N4BP2L2: variants seen among roughly 807,000 people sequenced by gnomAD.
N4BP2L2 encodes NEDD4 binding protein 2 like 2.
Under a neutral mutation model 56.2 loss-of-function variants are expected in N4BP2L2, and 50 were observed. That is an observed-to-expected ratio of 0.89 (90% confidence interval 0.71 to 1.13). The LOEUF is 1.13. N4BP2L2 is among the 50% of genes most tolerant of loss of function. The pLI is 0.00. For missense variants in N4BP2L2, 689 were observed against 693.8 expected (o/e 0.99, Z 0.08); for synonymous variants, 203 against 223.6 (o/e 0.91, Z 0.82).
At chr13:32,462,146 G>A (rs1312800223) in intron 6 of N4BP2L2, among the ~76,000 whole-genome samples, 1 of 152,146 alleles carries the variant, frequency 6.6e-6, no homozygotes, top group Admixed American at 6.5e-5. Flanking sequence ...GCACCCCCAT[G>A]TTTATTGCAG....
At chr13:32,466,721 G>C (rs2081307143) in intron 6 of N4BP2L2, among the ~76,000 whole-genome samples, 2 of 152,054 alleles carry the variant, frequency 1.3e-5, no homozygotes, top group African/African-American at 4.8e-5. Flanking sequence ...AAAAGGAAGG[G>C]CCTGTGACTA....
chr13:32,532,301 G>A (rs1475389677), intron 2 of N4BP2L2, among the ~76,000 whole-genome samples: 7 of 151,938 alleles, frequency 4.6e-5, no homozygotes, highest in African/African-American at 1.7e-4. Flanking sequence ...TTTATTAGGG[G>A]GTAAGAAAGA....
At chr13:32,454,914 CCA>C (rs2078705503) in intron 6 of N4BP2L2, among the ~76,000 whole-genome samples, 1 of 152,150 alleles carries the variant, frequency 6.6e-6, no homozygotes, top group Non-Finnish European at 1.5e-5. Context: ...AGGTGGGAGC[CCA>C]GAGAAGCTTC....
chr13:32,447,009 T>C (rs1463337870), intron 6 of N4BP2L2, among the ~76,000 whole-genome samples: 1 of 152,228 alleles, frequency 6.6e-6, no homozygotes, highest in Non-Finnish European at 1.5e-5. Context: ...TTAACCATTA[T>C]GCAACACTGC....
chr13:32,522,541 G>A, intron 3 of N4BP2L2: 2 of 236,472 alleles, frequency 8.5e-6, no homozygotes, highest in Non-Finnish European at 1.6e-5. Context: ...GCTAATAAAG[G>A]CTTCAAGTCT....
chr13:32,446,452 C>A (rs1311275740), intron 6 of N4BP2L2: 4 of 1,345,694 alleles, frequency 3.0e-6, no homozygotes, highest in Non-Finnish European at 4.0e-6. Context: ...AAAACAAACT[C>A]CCCTGTCTTT....
chr13:32,535,947 C>G (rs770909535), exon 2 of N4BP2L2: 2 of 1,613,960 alleles, frequency 1.2e-6, no homozygotes, highest in East Asian at 4.5e-5. Flanking sequence ...CCATTACTCA[C>G]ATATCGATCT....
exon 2 of N4BP2L2, chr13:32,536,769 G>A: frequency 6.2e-7 from 1 of 1,614,090 alleles, no homozygotes; most frequent in Non-Finnish European, 8.5e-7. Context: ...CTATTACCAG[G>A]CATCTCATCA....
intron 6 of N4BP2L2, among the ~76,000 whole-genome samples, chr13:32,499,050 A>T (rs2139511322): frequency 6.6e-6 from 1 of 152,148 alleles, no homozygotes; most frequent in South Asian, 2.1e-4. Flanking sequence ...ATGAATAAAT[A>T]CATTACCGTT....
chr13:32,474,579 A>G (rs2139002664), intron 6 of N4BP2L2, among the ~76,000 whole-genome samples: 1 of 151,640 alleles, frequency 6.6e-6, no homozygotes, highest in East Asian at 1.9e-4. Context: ...TTGTAATCTC[A>G]GGTACTCGGA....
chr13:32,523,828 G>T (rs1242442330), intron 3 of N4BP2L2: 3 of 152,196 alleles, frequency 2.0e-5, no homozygotes, highest in Admixed American at 1.3e-4. Context: ...TGGGAAGGGA[G>T]TGAGGGATAA....
chr13:32,499,435 T>G lies in N4BP2L2; in HGVS notation c.365+18422A>C, dbSNP rs114107089. On this transcript the variant is annotated intron_variant, in intron 6 of 9. Coordinates refer to the N4BP2L2 transcript ENST00000357505. The stretch of plus-strand genomic sequence containing the variant: ...GTTGTCCCAAGGGTCAAGATACATC[T>G]TAAAAACTTAAGGGAAAAAAAAAGC... Among the ~76,000 whole-genome samples, 1,081 of 152,242 alleles carry G rather than the reference T, an allele frequency of 7.1e-3. 13 individuals carry two copies. The highest frequency in any genetic ancestry group is 0.025 in the African/African-American group (1,043 of 41,540).
chr13:32,468,391 C>A (rs1003549591), intron 6 of N4BP2L2, among the ~76,000 whole-genome samples: 2 of 152,114 alleles, frequency 1.3e-5, no homozygotes, highest in Admixed American at 6.5e-5. Context: ...TATTTGAGTG[C>A]TACTGTGTCC....
chr13:32,452,941 C>A (rs2078337871), intron 6 of N4BP2L2, among the ~76,000 whole-genome samples: 2 of 152,006 alleles, frequency 1.3e-5, no homozygotes, highest in Non-Finnish European at 2.9e-5. Context: ...TGAAAAGATA[C>A]AAGGACTGTA....
At chr13:32,487,252 T>C (rs149462809) in intron 6 of N4BP2L2, among the ~76,000 whole-genome samples, 8 of 151,898 alleles carry the variant, frequency 5.3e-5, no homozygotes, top group African/African-American at 1.4e-4. Flanking sequence ...GGCAAGAGGA[T>C]TGCTTGAGCC....
exon 9 of N4BP2L2, chr13:32,436,363 T>C (rs751401132): frequency 1.6e-6 from 2 of 1,220,888 alleles, no homozygotes; most frequent in Non-Finnish European, 2.3e-6. Flanking sequence ...ATACTTACAG[T>C]TCAAGGAATT....
intron 8 of N4BP2L2, among the ~76,000 whole-genome samples, chr13:32,437,100 C>T (rs1356983985): frequency 6.6e-6 from 1 of 152,032 alleles, no homozygotes; most frequent in African/African-American, 2.4e-5. Context: ...CCAGGCTGGT[C>T]TCGAACTCCT....
chr13:32,439,578 T>C (rs775152279), intron 7 of N4BP2L2, among the ~76,000 whole-genome samples: 6 of 152,184 alleles, frequency 3.9e-5, no homozygotes, highest in Non-Finnish European at 5.9e-5. Flanking sequence ...AAATTTTACA[T>C]ACAATTTCAG....
chr13:32,440,578 T>G lies in N4BP2L2; in HGVS notation c.2104+1810A>C, dbSNP rs544750185. ...GCCTCCCAGGTTCAAGCAATTATCC[T>G]GCCTCAGCCTCCTAACTAGGTTTAC... On this transcript the variant is annotated intron_variant, in intron 7 of 9. Transcript: ENST00000357505. Among the ~76,000 whole-genome samples the G allele has an allele frequency of 5.9e-5, 9 of 152,192 alleles. No individual in the cohort carries two copies. In the East Asian group the frequency reaches 1.7e-3, roughly 29 times the overall value.
Sources: allele counts gnomAD v4.1 joint callset (sites outside exome capture counted in the v4.1 genomes callset), GRCh38; gene constraint gnomAD v4.1.1; transcripts MANE v1.5; gene names NCBI Gene and HGNC (gene_info 2026-07-23, HGNC 2026-07-21).